UGT2B11: variants seen among roughly 807,000 people sequenced by gnomAD.
The protein encoded by UGT2B11 is UDP glucuronosyltransferase family 2 member B11.
A neutral mutation model predicts 51.7 loss-of-function variants in UGT2B11; 49 were observed. The ratio of observed to expected loss-of-function variants is 0.95; its 90% confidence interval spans 0.75 to 1.20. The LOEUF is 1.20. UGT2B11 is among the 50% of genes most tolerant of loss of function. The pLI, the probability that UGT2B11 is intolerant of heterozygous loss-of-function variation, is 0.00. For synonymous variants in UGT2B11, 273 were observed against 209.0 expected, an observed-to-expected ratio of 1.31 and a Z score of -2.64; for missense variants, 810 against 622.1, an observed-to-expected ratio of 1.30 and a Z score of -3.21.
At chr4:69,204,131 CCTTT>C (rs200566497) in intron 5 of UGT2B11, among the ~76,000 whole-genome samples, 2,465 of 150,770 alleles carry the variant, frequency 0.016, 29 homozygotes, top group Non-Finnish European at 0.026. Flanking sequence ...GTTTATTCTT[CCTTT>C]CTTCTATGGA....
intron 5 of UGT2B11, among the ~76,000 whole-genome samples, chr4:69,201,597 C>T (rs189391237): frequency 2.1e-4 from 32 of 151,864 alleles, no homozygotes; most frequent in Admixed American, 5.9e-4. Context: ...GAACTTTACA[C>T]GTTTTGACCC....
At chr4:69,220,786 G>T in the UGT2B11 span, among the ~76,000 whole-genome samples, 1 of 151,784 alleles carries the variant, frequency 6.6e-6, no homozygotes, top group Non-Finnish European at 1.5e-5. Context: ...TTAATGAAAT[G>T]GCAACATTCT....
At chr4:69,223,944 G>A in the UGT2B11 span, among the ~76,000 whole-genome samples, 2 of 152,150 alleles carry the variant, frequency 1.3e-5, no homozygotes, top group Non-Finnish European at 2.9e-5. Flanking sequence ...TCTATCTGGG[G>A]AGCAATGGAG....
At chr4:69,208,104 G>C (rs528709420) in intron 3 of UGT2B11, among the ~76,000 whole-genome samples, 1 of 151,576 alleles carries the variant, frequency 6.6e-6, no homozygotes, top group South Asian at 2.1e-4. Context: ...ACGGAGTACT[G>C]AGTTCCCACT....
chr4:69,219,330 G>T (rs973621828), upstream of UGT2B11, among the ~76,000 whole-genome samples: 5 of 152,066 alleles, frequency 3.3e-5, no homozygotes, highest in African/African-American at 9.7e-5. Context: ...GTTCCTTATA[G>T]ATTTTTGATA....
At chr4:69,215,662 G>C (rs1486101185), upstream of UGT2B11, 1 of 151,838 alleles carries the variant, frequency 6.6e-6, no homozygotes, top group Non-Finnish European at 1.5e-5. Context: ...TGAATTATGT[G>C]GTAAATGTAA....
At position 69,200,362 on chromosome 4, in the gene UGT2B11, A is replaced by G. The variant is rs1721603721; in HGVS notation, c.*78T>C. ...CACAGGAAGAAAGAAATCTTGCATA[A>G]CAATCTTTTCTTTCTTGCTGGAATA... On this transcript the variant is annotated 3_prime_UTR_variant, in exon 6 of 6. Transcript: ENST00000446444. 9 of 1,315,198 alleles carry G rather than the reference A, an allele frequency of 6.8e-6. No individual in the cohort carries two copies. The highest frequency in any genetic ancestry group is 8.9e-6 in the Non-Finnish European group (9 of 1,009,498). 81.5% of individuals were successfully genotyped at this position (1,315,198 alleles called of 1,614,324 possible). A position where few individuals can be genotyped will look rare whatever the true frequency, so the allele number is the denominator to read the frequency against.
chr4:69,207,328 T>A (rs1007636862), intron 3 of UGT2B11, among the ~76,000 whole-genome samples: 2 of 151,684 alleles, frequency 1.3e-5, no homozygotes, highest in Non-Finnish European at 3.0e-5. Flanking sequence ...TTTTATTTGC[T>A]ACATCAGTGT....
Position 69,212,586 on chromosome 4 carries a change from T to A in UGT2B11, c.857A>T (p.Lys286Ile), listed in dbSNP as rs776650220. ...AAGTATGTTTACCTTAGGTAGGGGT[T>A]TGGCAGGTTTGCAGTGGAATCCTCC... ...FVGGFHCKPA[K>I]PLPKEMEEFV... Residue 286 changes from lysine (K) to isoleucine (I), a missense_variant, in exon 2 of 6, where the codon AAA becomes ATA. Physicochemically the swap from Lys to Ile is moderately radical, Grantham distance 102 (BLOSUM62 -3). Coordinates refer to ENST00000446444, the MANE Select transcript of UGT2B11 (RefSeq NM_001073.3). 1 of 1,608,390 alleles carries A rather than the reference T, an allele frequency of 6.2e-7. No individual in the cohort carries two copies. The highest frequency in any genetic ancestry group is 8.5e-7 in the Non-Finnish European group (1 of 1,176,832).
upstream of UGT2B11, among the ~76,000 whole-genome samples, chr4:69,217,217 T>C (rs4296739): frequency 0.22 from 33,367 of 152,014 alleles, 4,282 homozygotes; most frequent in African/African-American, 0.35. Context: ...TCACAGATTG[T>C]CTTGTAATTC....
chr4:69,213,869 T>C lies in UGT2B11; in HGVS notation c.721+133A>G, dbSNP rs547241392. ...CTATAATGTTTGTGAGATTGATAGA[T>C]CATCTTGTATTTTCATTTCATAAAT... is the stretch of plus-strand genomic sequence containing the variant. On this transcript the variant is annotated intron_variant, in intron 1 of 5. Transcript: ENST00000446444. 5 of 1,260,328 alleles carry C rather than the reference T, an allele frequency of 4.0e-6. No individual in the cohort carries two copies. In the South Asian group the frequency reaches 9.5e-5, roughly 24 times the overall value. 78.1% of individuals were successfully genotyped at this position (1,260,328 alleles called of 1,614,324 possible).
intron 5 of UGT2B11, among the ~76,000 whole-genome samples, chr4:69,203,791 G>C (rs575264108): frequency 1.9e-4 from 29 of 151,786 alleles, no homozygotes; most frequent in African/African-American, 6.3e-4. Flanking sequence ...AATATCTAGA[G>C]AGAATAACTT....
In UGT2B11 at chr4:69,203,708, A is replaced by C. The variant is rs139090744; in HGVS notation, c.1310+722T>G. 9.9e-5 allele frequency among the ~76,000 whole-genome samples: 15 copies of C among 151,898 alleles called. No homozygotes were observed. In the East Asian group the frequency reaches 2.9e-3, roughly 30 times the overall value. On this transcript the variant is annotated intron_variant, in intron 5 of 5. Transcript: ENST00000446444. ...ATGAAGTAAAATAAAAACCATAAGA[A>C]AACAACAAAAAATTAGGCTATGTGA...
chr4:69,203,239 G>A (rs1721725032), intron 5 of UGT2B11, among the ~76,000 whole-genome samples: 2 of 151,608 alleles, frequency 1.3e-5, no homozygotes, highest in South Asian at 4.1e-4. Flanking sequence ...TATATGAATG[G>A]TCAACAATCA....
In UGT2B11 at chr4:69,208,389, T is replaced by C. The variant is rs772394059; in HGVS notation, c.964A>G (p.Asn322Asp). Residue 322 changes from asparagine to aspartate, a missense_variant, in exon 3 of 6, where the codon AAT becomes GAT. Physicochemically the swap from Asn to Asp is conservative, Grantham distance 23 (BLOSUM62 1). Transcript: ENST00000446444. ...TTGGCAAGGGCTGTTGCAATTACAT[T>C]GGCCCTTTCTGCTGTCATGTTACTT... is the stretch of plus-strand genomic sequence containing the variant. ...VISNMTAERA[N>D]VIATALAKIP... 2.5e-6 allele frequency: 4 copies of C among 1,611,078 alleles called. No individual in the cohort carries two copies. The South Asian group carries it at 4.4e-5, about 18-fold the overall frequency.
chr4:69,204,663 A>G lies in UGT2B11; in HGVS notation c.1091-14T>C, dbSNP rs781000861. 3.1e-6 allele frequency: 5 copies of G among 1,610,908 alleles called. No individual in the cohort carries two copies. The Admixed American group carries it at 8.4e-5, about 27-fold the overall frequency. ...TTTTTGGATGACCTAGGATTGGATG[A>G]ATTTTAGCAAAATTATTCATAGGAA... On this transcript the variant is annotated splice_polypyrimidine_tract_variant and intron_variant, in intron 4 of 5. Transcript: ENST00000446444.
At position 69,214,248 on chromosome 4, in the gene UGT2B11, G is replaced by T. The variant is rs374126101; in HGVS notation, c.475C>A (p.Leu159Met). ...FADAVFPCGE[L>M]LAALLNIRFV... The stretch of plus-strand genomic sequence containing the variant: ...CGTATGTTAAGTAGCGCAGCCAGCA[G>T]CTCACCACAGGGAAAAACAGCATCT... The change falls in exon 1 of 6, where the codon CTG becomes ATG. Residue 159 changes from leucine (L) to methionine (M), a missense_variant. By Grantham distance (15) the Leu-to-Met change is conservative (BLOSUM62 2). Coordinates refer to ENST00000446444, the MANE Select transcript of UGT2B11 (RefSeq NM_001073.3). 3.2e-5 allele frequency: 52 copies of T among 1,613,170 alleles called. No homozygotes were observed. In the African/African-American group the frequency reaches 6.7e-4, roughly 21 times the overall value.
At chr4:69,206,455 A>G (rs1721859985) in intron 3 of UGT2B11, among the ~76,000 whole-genome samples, 1 of 151,572 alleles carries the variant, frequency 6.6e-6, no homozygotes, top group Admixed American at 6.6e-5. Context: ...TGGCAACAAC[A>G]TACACTGAGA....
chr4:69,224,130 C>T, the UGT2B11 span, among the ~76,000 whole-genome samples: 2 of 152,142 alleles, frequency 1.3e-5, no homozygotes, highest in Admixed American at 1.3e-4. Flanking sequence ...CGGGCACCAT[C>T]CCAAGAATTT....
Sources: gnomAD v4.1 joint callset for allele counts (sites outside exome capture counted in the v4.1 genomes callset) on GRCh38, gnomAD v4.1.1 for gene constraint, MANE v1.5 for transcripts, NCBI Gene and HGNC (gene_info 2026-07-23, HGNC 2026-07-21) for gene names.